Variants in PTPRD observed in about 807,000 individuals in gnomAD.
The protein encoded by PTPRD is receptor-type tyrosine-protein phosphatase delta.
Under a neutral mutation model 214.5 loss-of-function variants are expected in PTPRD, and 34 were observed. The ratio of observed to expected loss-of-function variants is 0.16; its 90% CI spans 0.12 to 0.21. PTPRD has a LOEUF of 0.21. Ranked by LOEUF, PTPRD falls within the 10% of genes least tolerant of loss-of-function variation. The pLI is 1.00. For missense variants in PTPRD, 2,545 were observed against 2,398.7 expected (o/e 1.06, Z -1.27); for synonymous variants, 1,128 against 845.7 (o/e 1.33, Z -5.79).
At chr9:9,766,614 G>T (rs543480112) in intron 6 of PTPRD, among the ~76,000 whole-genome samples, 196 bp downstream of exon 6, 1 of 152,128 alleles carries the variant, frequency 6.6e-6, no homozygotes, top group African/African-American at 2.4e-5. Context: ...AAGGCTTTCT[G>T]TACCCAGGCA....
At chr9:8,787,004 T>C (rs1212209559) in intron 11 of PTPRD, among the ~76,000 whole-genome samples, 2 of 152,018 alleles carry the variant, frequency 1.3e-5, no homozygotes, top group Non-Finnish European at 2.9e-5. Flanking sequence ...GCCCAGCTAA[T>C]ATTTTCTTTT....
intron 30 of PTPRD, among the ~76,000 whole-genome samples, chr9:8,473,091 G>A (rs1358542115): frequency 1.3e-5 from 2 of 152,154 alleles, no homozygotes; most frequent in East Asian, 3.9e-4. Flanking sequence ...AAGACTGCAT[G>A]AAATTCCGTG....
intron 10 of PTPRD, among the ~76,000 whole-genome samples, chr9:9,036,237 T>A (rs2099621458): frequency 6.7e-6 from 1 of 150,202 alleles, no homozygotes; most frequent in Non-Finnish European, 1.5e-5. Context: ...TGGCAGGTTG[T>A]ATGGAAACTA....
At chr9:9,563,350 A>G (rs2154294106) in intron 8 of PTPRD, among the ~76,000 whole-genome samples, 1 of 152,320 alleles carries the variant, frequency 6.6e-6, no homozygotes, top group Non-Finnish European at 1.5e-5. Flanking sequence ...TGCTTTGACA[A>G]TATGATAACT....
At chr9:10,353,144 C>T (rs1597850713) in intron 2 of PTPRD, among the ~76,000 whole-genome samples, 1 of 151,850 alleles carries the variant, frequency 6.6e-6, no homozygotes, top group African/African-American at 2.4e-5. Context: ...TTAAAATAAT[C>T]ATCTCTATAT....
At chr9:9,787,210 A>G (rs2098931280) in intron 5 of PTPRD, among the ~76,000 whole-genome samples, 1 of 151,952 alleles carries the variant, frequency 6.6e-6, no homozygotes, top group South Asian at 2.1e-4. Context: ...ATTTTATAAA[A>G]TATTTCATTA....
chr9:8,698,132 T>A (rs1285514180), intron 12 of PTPRD, among the ~76,000 whole-genome samples: 2 of 152,208 alleles, frequency 1.3e-5, no homozygotes, highest in Non-Finnish European at 2.9e-5. Context: ...CAGTTTTAAA[T>A]ACAACACTCA....
intron 8 of PTPRD, among the ~76,000 whole-genome samples, chr9:9,486,709 G>C (rs2095653260): frequency 6.6e-6 from 1 of 152,238 alleles, no homozygotes; most frequent in South Asian, 2.1e-4. Context: ...TCAGATCTCA[G>C]ATTAAATTTT....
intron 4 of PTPRD, among the ~76,000 whole-genome samples, chr9:9,970,573 T>C (rs2095039340): frequency 6.6e-6 from 1 of 151,904 alleles, no homozygotes; most frequent in African/African-American, 2.4e-5. Flanking sequence ...ATTGTCCTCC[T>C]CCCCCCACAC....
intron 44 of PTPRD, among the ~76,000 whole-genome samples, chr9:8,321,487 G>GTC (rs1168847469): frequency 6.7e-5 from 3 of 44,540 alleles, no homozygotes; most frequent in African/African-American, 2.0e-4. Context: ...GTGTGTGTGT[G>GTC]TATATATATA....
intron 14 of PTPRD, among the ~76,000 whole-genome samples, chr9:8,599,828 G>A (rs2094723921): frequency 6.6e-6 from 1 of 151,864 alleles, no homozygotes; most frequent in Non-Finnish European, 1.5e-5. Flanking sequence ...TGTTGGTCAG[G>A]CTGGTCTCAA....
intron 14 of PTPRD, among the ~76,000 whole-genome samples, chr9:8,555,175 G>C (rs527736776): frequency 6.6e-6 from 1 of 152,100 alleles, no homozygotes; most frequent in Non-Finnish European, 1.5e-5. Flanking sequence ...ACACCAATTT[G>C]GGAGGATCAC....
At chr9:10,601,489 TTGTC>T (rs2077965077) in intron 2 of PTPRD, among the ~76,000 whole-genome samples, 1 of 151,778 alleles carries the variant, frequency 6.6e-6, no homozygotes, top group Non-Finnish European at 1.5e-5. Flanking sequence ...CTACATCTGT[TTGTC>T]TGTGGAGACC....
intron 5 of PTPRD, among the ~76,000 whole-genome samples, chr9:9,877,359 A>T (rs901410699): frequency 2.0e-5 from 3 of 152,102 alleles, no homozygotes; most frequent in African/African-American, 7.2e-5. Context: ...ATAAGGGAGG[A>T]AGATTTGAGG....
At chr9:9,910,539 T>A (rs4742637) in intron 5 of PTPRD, among the ~76,000 whole-genome samples, 39,077 of 151,858 alleles carry the variant, frequency 0.26, 5,302 homozygotes, top group East Asian at 0.38. Flanking sequence ...GTTCAGCTTT[T>A]CTAGTACAAA....
intron 12 of PTPRD, among the ~76,000 whole-genome samples, chr9:8,654,011 GTCAGACTAT>G (rs2096863076): frequency 6.6e-6 from 1 of 152,006 alleles, no homozygotes; most frequent in Admixed American, 6.6e-5. Context: ...GACATTTTGG[GTCAGACTAT>G]TCTTTGTTGT....
intron 2 of PTPRD, among the ~76,000 whole-genome samples, chr9:10,576,173 C>T (rs983780715): frequency 6.6e-6 from 1 of 152,076 alleles, no homozygotes; most frequent in Non-Finnish European, 1.5e-5. Context: ...TGCCTAAAGG[C>T]TATCAGTAAA....
At chr9:8,733,746 T>G (rs1389652022) in intron 12 of PTPRD, 34 bp downstream of exon 12, 1 of 1,548,490 alleles carries the variant, frequency 6.5e-7, no homozygotes, top group Admixed American at 2.0e-5. Context: ...CTCATTATGG[T>G]CACAGCCCCC....
intron 3 of PTPRD, among the ~76,000 whole-genome samples, chr9:10,169,787 T>C (rs148336937): frequency 0.012 from 1,756 of 152,226 alleles, 20 homozygotes; most frequent in African/African-American, 0.04. Context: ...AATTGTATCA[T>C]CTATAATTCC....
Sources: gnomAD v4.1 joint callset for allele counts (sites outside exome capture counted in the v4.1 genomes callset) on GRCh38, gnomAD v4.1.1 for gene constraint, MANE v1.5 for transcripts, NCBI Gene and HGNC (gene_info 2026-07-23, HGNC 2026-07-21) for gene names.